Variants in IST1 observed in about 807,000 individuals in gnomAD.
IST1 encodes the protein IST1 factor associated with ESCRT-III, also known as IST1 homolog.
A neutral mutation model predicts 37.0 loss-of-function variants in IST1; 23 were observed. The ratio of observed to expected loss-of-function variants is 0.62; its 90% confidence interval spans 0.45 to 0.88. The LOEUF (loss-of-function observed/expected upper bound fraction) is 0.88, where lower values mean the gene tolerates loss of function less well. IST1 is among the 40% of genes least tolerant of loss of function. The pLI is 0.00. For synonymous variants in IST1, 180 were observed against 161.7 expected (o/e 1.11, Z -0.86); for missense variants, 488 against 445.4 (o/e 1.10, Z -0.86).
chr16:71,895,872 C>T (rs774975160), intron 1 of IST1, among the ~76,000 whole-genome samples: 1 of 152,238 alleles, frequency 6.6e-6, no homozygotes, highest in African/African-American at 2.4e-5. Context: ...TTAACTTTCC[C>T]CTAGTCTTCC....
rs185460500 is a variant in IST1, at chr16:71,898,783, C to A, written c.-16+3194C>A. 6.6e-5 allele frequency among the ~76,000 whole-genome samples: 10 copies of A among 151,824 alleles called. No homozygotes were observed. In the South Asian group the frequency reaches 1.0e-3, roughly 16 times the overall value. On this transcript the variant is annotated intron_variant, in intron 1 of 9. Transcript: ENST00000378799. Reference sequence around the variant, plus strand: ...CAGGACATCAGGCGTTGGAGACCAGCCTGGTCAACATGGCGAAACCTCGTC... The same window carrying A: ...CAGGACATCAGGCGTTGGAGACCAGACTGGTCAACATGGCGAAACCTCGTC...
rs1263219371 is a variant in IST1, at chr16:71,929,648, G to A, written c.*1835G>A. The A allele has an allele frequency of 3.9e-6, 6 of 1,551,542 alleles. No individual in the cohort carries two copies. Among genetic ancestry groups the A allele is most frequent in the Admixed American group, 2.0e-5 (1 of 50,968 alleles). The stretch of plus-strand genomic sequence containing the variant: ...ATTCCTAACAAATTTGAGAGCTTCT[G>A]TAGCAGTGTATCTATTAGTGCAGCT... On this transcript the variant is annotated 3_prime_UTR_variant, in exon 10 of 10. Coordinates refer to ENST00000378799, the MANE Select transcript of IST1 (RefSeq NM_001270975.2).
upstream of IST1, chr16:71,895,060 G>C (rs1417879767): frequency 6.5e-6 from 3 of 461,300 alleles, no homozygotes; most frequent in Non-Finnish European, 1.2e-5. Context: ...TGAAGAGTCA[G>C]GGATACGCAG....
chr16:71,920,336 T>C (rs778204273), intron 4 of IST1, among the ~76,000 whole-genome samples: 1 of 152,208 alleles, frequency 6.6e-6, no homozygotes, highest in Non-Finnish European at 1.5e-5. Context: ...CAAAGAGTTA[T>C]TAGCACAAAG....
upstream of IST1, chr16:71,894,902 G>A: frequency 6.0e-6 from 8 of 1,331,504 alleles, no homozygotes; most frequent in African/African-American, 2.9e-5. Flanking sequence ...GATAAATTAG[G>A]GAAATCGCCA....
rs902817342 is a variant in IST1, at chr16:71,915,713, T to C, written c.73T>C (p.Leu25=). 5.6e-6 allele frequency: 9 copies of C among 1,610,592 alleles called. No individual in the cohort carries two copies. Among genetic ancestry groups the C allele is most frequent in the East Asian group, 2.2e-5 (1 of 44,872 alleles). The change falls in exon 2 of 10, where the codon TTG becomes CTG. Residue 25 remains leucine (L), a synonymous_variant. Transcript: ENST00000378799. The part of the protein sequence containing the change: ...LRLVINRLKL[L]EKKKTELAQK... ...ATTAGTCATAAATCGCCTTAAACTA[T>C]TGGAGAAAAAGAAAAGTGAGTAGTG... is the stretch of plus-strand genomic sequence containing the variant.
Position 71,922,643 on chromosome 16 carries a change from C to G in IST1, c.722C>G (p.Ala241Gly). ...PMPMPMPMPS[A>G]NTPFSYPLPK... is the part of the protein sequence containing the mutation. ...CCCATGCCCATGCCTATGCCATCTG[C>G]AAATACGCCTTTCTCATATCCACTG... is the stretch of plus-strand genomic sequence containing the variant. The change falls in exon 7 of 10, where the codon GCA becomes GGA. Residue 241 changes from alanine to glycine, a missense_variant. Ala to Gly is a moderately conservative substitution (Grantham distance 60). This residue lies in a region of IST1 where 455 missense variants were observed against 386.2 expected (regional missense o/e 1.18). Coordinates refer to ENST00000378799, the MANE Select transcript of IST1 (RefSeq NM_001270975.2). The G allele has an allele frequency of 1.9e-6, 3 of 1,613,834 alleles. No homozygotes were observed. Among genetic ancestry groups the G allele is most frequent in the Non-Finnish European group, 2.5e-6 (3 of 1,179,924 alleles).
At position 71,929,451 on chromosome 16, in the gene IST1, A is replaced by G. The variant is rs1205843428; in HGVS notation, c.*1638A>G. 7 of 1,299,200 alleles carry G rather than the reference A, an allele frequency of 5.4e-6. No individual in the cohort carries two copies. In the African/African-American group the frequency reaches 1.1e-4, roughly 20 times the overall value. 80.5% of individuals were successfully genotyped at this position (1,299,200 alleles called of 1,614,324 possible). ...ATTCCTAACTTACAGAATTAAAAAC[A>G]AAGTATATTATAATTTTAAAGCTAT... is the stretch of plus-strand genomic sequence containing the variant. On this transcript the variant is annotated 3_prime_UTR_variant, in exon 10 of 10. Coordinates refer to ENST00000378799, the MANE Select transcript of IST1 (RefSeq NM_001270975.2).
intron 1 of IST1, 88 bp from the exon 2 acceptor site, chr16:71,915,530 ACTCTGTTT>A: frequency 1.4e-6 from 1 of 725,086 alleles, no homozygotes; most frequent in African/African-American, 1.8e-5. Flanking sequence ...TTAGAAAAAC[ACTCTGTTT>A]TTGTTTCACA....
intron 1 of IST1, among the ~76,000 whole-genome samples, chr16:71,914,025 C>T (rs1013747870): frequency 6.6e-6 from 1 of 152,082 alleles, no homozygotes; most frequent in Non-Finnish European, 1.5e-5. Context: ...TCAGGCTGAT[C>T]TCGAACTCCC....
intron 1 of IST1, among the ~76,000 whole-genome samples, chr16:71,904,477 A>C (rs1009326419): frequency 6.6e-6 from 1 of 152,214 alleles, no homozygotes; most frequent in Non-Finnish European, 1.5e-5. Context: ...CACTTGCACA[A>C]ACATGGCTGT....
In IST1 at chr16:71,903,355, G is replaced by A. The variant is rs543989480; in HGVS notation, c.-16+7766G>A. 8.6e-5 allele frequency: 13 copies of A among 151,832 alleles called. No homozygotes were observed. The East Asian group carries it at 2.3e-3, about 27-fold the overall frequency. The allele number at this position is 151,832 out of a possible 1,614,324, so 9.4% of individuals were successfully genotyped here. ...TGCCTTAGCTACATCCCACAAATTC[G>A]TTACATATATATATTTTTTTTTTCA... On this transcript the variant is annotated intron_variant, in intron 1 of 9. Transcript: ENST00000378799.
At chr16:71,920,884 T>C in intron 5 of IST1, 62 bp downstream of exon 5, 1 of 1,167,534 alleles carries the variant, frequency 8.6e-7, no homozygotes, top group South Asian at 1.2e-5. Context: ...GTACTGCTTG[T>C]GGCAATTCTA....
intron 3 of IST1, 57 bp from the exon 4 acceptor site, chr16:71,916,990 C>T: frequency 5.2e-6 from 6 of 1,151,248 alleles, no homozygotes; most frequent in Non-Finnish European, 7.6e-6. Context: ...GAAACAAAAG[C>T]TAGGATTTTG....
In IST1 at chr16:71,915,735, A is replaced by G; in HGVS notation, c.88+7A>G. ...CTATTGGAGAAAAAGAAAAGTGAGT[A>G]GTGTACTTTTTTTCCCCAAAAATAA... On this transcript the variant is annotated splice_region_variant and intron_variant, in intron 2 of 9. Transcript: ENST00000378799. 6.3e-7 allele frequency: 1 copy of G among 1,576,034 alleles called. No individual in the cohort carries two copies. Among genetic ancestry groups the G allele is most frequent in the Non-Finnish European group, 8.7e-7 (1 of 1,148,246 alleles).
chr16:71,917,340 G>C (rs1370353080), intron 4 of IST1, among the ~76,000 whole-genome samples: 1 of 152,106 alleles, frequency 6.6e-6, no homozygotes, highest in African/African-American at 2.4e-5. Flanking sequence ...GTTTTTTTAA[G>C]GAGCAAAGTT....
rs926710563 is a variant in IST1, at chr16:71,929,825, T to G, written c.*2012T>G. 1.0e-6 allele frequency: 1 copy of G among 970,422 alleles called. No individual in the cohort carries two copies. The highest frequency in any genetic ancestry group is 1.7e-5 in the African/African-American group (1 of 60,240). The allele number at this position is 970,422 out of a possible 1,614,324, so 60.1% of individuals were successfully genotyped here. On this transcript the variant is annotated 3_prime_UTR_variant, in exon 10 of 10. Transcript: ENST00000378799. ...ATTTGCAGTCAGGCATTGGAGTGTT[T>G]CCACTAATGGTTGCGAGCCAACTAT... is the stretch of plus-strand genomic sequence containing the variant.
rs2037629344 is a variant in IST1 at position 71,922,622 on chromosome 16, T to C, written c.701T>C (p.Met234Thr). ...GGAACGGTGCCAATGCCCATGCCCATGCCCATGCCTATGCCATCTGCAAAT... is the reference window on the plus strand; with the variant it reads ...GGAACGGTGCCAATGCCCATGCCCACGCCCATGCCTATGCCATCTGCAAAT... ...PDGTVPMPMP[M>T]PMPMPSANTP... The change falls in exon 7 of 10, where the codon ATG becomes ACG. Residue 234 changes from methionine (M) to threonine (T), a missense_variant. Coordinates refer to ENST00000378799, the MANE Select transcript of IST1 (RefSeq NM_001270975.2). The C allele has an allele frequency of 6.2e-7, 1 of 1,612,004 alleles. No homozygotes were observed. The highest frequency in any genetic ancestry group is 8.5e-7 in the Non-Finnish European group (1 of 1,178,948).
At chr16:71,897,254 T>A (rs571710338) in intron 1 of IST1, among the ~76,000 whole-genome samples, 3 of 150,692 alleles carry the variant, frequency 2.0e-5, no homozygotes, top group African/African-American at 7.3e-5. Context: ...ACTCGTGGGC[T>A]CAAGTGATCC....
Sources: gnomAD v4.1 joint callset for allele counts (sites outside exome capture counted in the v4.1 genomes callset) on GRCh38, gnomAD v4.1.1 for gene constraint, gnomAD v4.1.1 regional missense constraint, MANE v1.5 for transcripts, NCBI Gene and HGNC (gene_info 2026-07-23, HGNC 2026-07-21) for gene names.